PRKACB: variants seen among roughly 807,000 people sequenced by gnomAD.
The protein encoded by PRKACB is protein kinase cAMP-activated catalytic subunit beta, also known as cAMP-dependent protein kinase catalytic subunit beta.
In PRKACB, 16 loss-of-function variants were observed where a neutral mutation model predicts 51.4. That is an observed-to-expected ratio of 0.31 (90% confidence interval 0.21 to 0.47). The LOEUF (loss-of-function observed/expected upper bound fraction) is 0.47, where lower values mean the gene tolerates loss of function less well. PRKACB is among the 20% of genes least tolerant of loss of function. The probability of loss-of-function intolerance (pLI) is 1.00; values close to 1 mark genes in which losing one functional copy is unlikely to be tolerated. For synonymous variants in PRKACB, 147 were observed against 154.4 expected (o/e 0.95, Z 0.35); for missense variants, 309 against 464.5 (o/e 0.67, Z 3.08).
upstream of PRKACB, among the ~76,000 whole-genome samples, chr1:84,143,873 T>A (rs961859100): frequency 3.9e-5 from 6 of 152,072 alleles, no homozygotes; most frequent in Non-Finnish European, 7.3e-5. Context: ...AGTTTTTTTT[T>A]ATGAAAAGTT....
chr1:84,141,096 C>T (rs1653365806), upstream of PRKACB, among the ~76,000 whole-genome samples: 1 of 151,894 alleles, frequency 6.6e-6, no homozygotes, highest in African/African-American at 2.4e-5. Context: ...TGGTTCAACT[C>T]TGAAAATTTC....
intron 9 of PRKACB, among the ~76,000 whole-genome samples, chr1:84,227,676 A>T (rs2101666833): frequency 6.6e-6 from 1 of 152,332 alleles, no homozygotes; most frequent in African/African-American, 2.4e-5. Context: ...AACAAGTGGC[A>T]CACTGTAACA....
At position 84,176,703 on chromosome 1, in the gene PRKACB, A is replaced by G. The variant is rs905138011; in HGVS notation, c.188-2474A>G. ...ATGTACTCGAAAAGAAAATCCCTTT[A>G]TATTTTGAAGTAATTCACAAAATAT... On this transcript the variant is annotated intron_variant, in intron 1 of 9. Coordinates refer to ENST00000370685, the MANE Select transcript of PRKACB (RefSeq NM_182948.4). Among the ~76,000 whole-genome samples the G allele has an allele frequency of 9.2e-5, 14 of 151,896 alleles. No homozygotes were observed. In the East Asian group the frequency reaches 2.5e-3, roughly 27 times the overall value.
intron 1 of PRKACB, among the ~76,000 whole-genome samples, chr1:84,138,118 G>C (rs1653009627): frequency 6.6e-6 from 1 of 152,154 alleles, no homozygotes. Flanking sequence ...AGGCTCCTTG[G>C]AGAAATGGAT....
intron 1 of PRKACB, among the ~76,000 whole-genome samples, chr1:84,169,452 C>G (rs1341042531): frequency 2.0e-5 from 3 of 151,552 alleles, no homozygotes; most frequent in South Asian, 2.1e-4. Context: ...GAATATAAAG[C>G]TGCATTAGAG....
chr1:84,184,564 G>T (rs1483230138), intron 4 of PRKACB, among the ~76,000 whole-genome samples: 1 of 151,690 alleles, frequency 6.6e-6, no homozygotes, highest in Non-Finnish European at 1.5e-5. Flanking sequence ...CTATTCAAAT[G>T]TCTGAAAAAT....
chr1:84,158,532 T>C (rs1327793021), intron 1 of PRKACB, among the ~76,000 whole-genome samples: 1 of 152,170 alleles, frequency 6.6e-6, no homozygotes, highest in Non-Finnish European at 1.5e-5. Context: ...TTTCTTCTTA[T>C]TATCAATTCT....
chr1:84,124,705 C>T (rs1156688692), intron 1 of PRKACB, among the ~76,000 whole-genome samples: 2 of 152,138 alleles, frequency 1.3e-5, no homozygotes, highest in African/African-American at 2.4e-5. Context: ...CTATCCCATG[C>T]CCTGCACCAT....
At chr1:84,210,235 TC>T (rs1180464544) in intron 8 of PRKACB, among the ~76,000 whole-genome samples, 3 of 152,074 alleles carry the variant, frequency 2.0e-5, no homozygotes, top group Admixed American at 6.6e-5. Context: ...TGGAAAACAA[TC>T]CTAAACAATA....
intron 1 of PRKACB, chr1:84,085,961 A>G: frequency 1.4e-6 from 1 of 699,464 alleles, no homozygotes; most frequent in Non-Finnish European, 2.6e-6. Flanking sequence ...CAAGACCAAC[A>G]GTGAGACGCC....
intron 1 of PRKACB, among the ~76,000 whole-genome samples, chr1:84,168,736 C>A (rs2100780722): frequency 6.6e-6 from 1 of 151,666 alleles, no homozygotes; most frequent in East Asian, 1.9e-4. Flanking sequence ...AATAGTTTCA[C>A]CCTCACTAAC....
intron 1 of PRKACB, among the ~76,000 whole-genome samples, chr1:84,102,680 G>A (rs1367137942): frequency 6.6e-6 from 1 of 152,144 alleles, no homozygotes; most frequent in African/African-American, 2.4e-5. Flanking sequence ...AAGTGTACGG[G>A]CCCTCACCTA....
intron 1 of PRKACB, chr1:84,178,968 T>A (rs981182608): frequency 2.4e-6 from 1 of 412,926 alleles, no homozygotes; most frequent in African/African-American, 2.1e-5. Flanking sequence ...GGTTTCTTTA[T>A]AGAACAATAT....
chr1:84,175,106 T>C, intron 1 of PRKACB: 1 of 1,370,516 alleles, frequency 7.3e-7, no homozygotes, highest in South Asian at 1.8e-5. Flanking sequence ...AAATTTTTTA[T>C]TTATTGTTTG....
intron 5 of PRKACB, among the ~76,000 whole-genome samples, chr1:84,195,991 C>T (rs185848275): frequency 2.6e-5 from 4 of 151,850 alleles, no homozygotes; most frequent in Non-Finnish European, 5.9e-5. Context: ...TGTAAACAAG[C>T]ATAGTAAAAG....
chr1:84,203,700 T>G (rs759976343), intron 8 of PRKACB, among the ~76,000 whole-genome samples: 1 of 151,980 alleles, frequency 6.6e-6, no homozygotes, highest in African/African-American at 2.4e-5. Context: ...GCTTTGTCTT[T>G]TCTTTTCTTT....
In PRKACB at chr1:84,197,774, A is replaced by C; in HGVS notation, c.733A>C (p.Thr245Pro). The change falls in exon 7 of 10, where the codon ACA becomes CCA. Residue 245 changes from threonine (T) to proline (P), a missense_variant. By Grantham distance (38) the Thr-to-Pro change is conservative. Coordinates refer to ENST00000370685, the MANE Select transcript of PRKACB (RefSeq NM_182948.4). The stretch of plus-strand genomic sequence containing the variant: ...CAAAAGAGTTAAAGGCAGAACTTGG[A>C]CATTATGTGGAACTCCAGAGTATTT... ...FAKRVKGRTWTLCGTPEYLAP... is the reference protein window; with the variant it reads ...FAKRVKGRTWPLCGTPEYLAP... 1 of 1,612,198 alleles carries C rather than the reference A, an allele frequency of 6.2e-7. No individual in the cohort carries two copies. The highest frequency in any genetic ancestry group is 8.5e-7 in the Non-Finnish European group (1 of 1,178,796).
At chr1:84,094,184 G>A (rs1036585041) in intron 1 of PRKACB, among the ~76,000 whole-genome samples, 1 of 151,928 alleles carries the variant, frequency 6.6e-6, no homozygotes, top group Admixed American at 6.6e-5. Context: ...TCACTGGAAA[G>A]CTTTCAATAT....
chr1:84,159,584 A>G (rs1409493741), intron 1 of PRKACB, among the ~76,000 whole-genome samples: 1 of 152,034 alleles, frequency 6.6e-6, no homozygotes, highest in Non-Finnish European at 1.5e-5. Context: ...TTATCCTTTA[A>G]TATCTATTTT....
Sources: allele counts gnomAD v4.1 joint callset (sites outside exome capture counted in the v4.1 genomes callset), GRCh38; gene constraint gnomAD v4.1.1; transcripts MANE v1.5; gene names NCBI Gene and HGNC (gene_info 2026-07-23, HGNC 2026-07-21).